The following DDX5 variants were observed in gnomAD, a reference collection of about 807,000 sequenced individuals.
DDX5 encodes probable ATP-dependent RNA helicase DDX5.
DDX5 carries 6 observed loss-of-function variants against 68.6 expected under a neutral mutation model. The ratio of observed to expected loss-of-function variants is 0.09; its 90% confidence interval spans 0.05 to 0.17. DDX5 has a LOEUF of 0.17. Ranked by LOEUF, DDX5 falls within the 10% of genes least tolerant of loss-of-function variation. DDX5 has a pLI of 1.00. For synonymous variants in DDX5, 350 were observed against 247.0 expected (o/e 1.42, Z -3.91); for missense variants, 499 against 756.1 (o/e 0.66, Z 3.99).
intron 1 of DDX5, 66 bp downstream of exon 1, chr17:64,506,010 C>T (rs948068500): frequency 1.3e-5 from 20 of 1,542,724 alleles, no homozygotes; most frequent in Non-Finnish European, 1.7e-5. Flanking sequence ...CCCCGCCGGC[C>T]GCCACCCTGA....
chr17:64,500,937 G>T, intron 11 of DDX5, 164 bp from the exon 12 acceptor site: 1 of 609,574 alleles, frequency 1.6e-6, no homozygotes, highest in Non-Finnish European at 2.9e-6. Context: ...TACCATTGAG[G>T]TTGAAAAAAG....
chr17:64,499,787 A>G lies in DDX5; in HGVS notation c.*136T>C. ...GAGAAATATCCAACTTAAATAGCGA[A>G]AAAGTGCACCATAATTACTGCTGCA... On this transcript the variant is annotated 3_prime_UTR_variant, in exon 13 of 13. Transcript: ENST00000225792. 1.2e-6 allele frequency: 1 copy of G among 810,738 alleles called. No individual in the cohort carries two copies. The highest frequency in any genetic ancestry group is 1.8e-6 in the Non-Finnish European group (1 of 563,358). The allele number at this position is 810,738 out of a possible 1,614,324, so 50.2% of individuals were successfully genotyped here. A position where few individuals can be genotyped will look rare whatever the true frequency, so the allele number is the denominator to read the frequency against.
intron 2 of DDX5, 63 bp from the exon 3 acceptor site, chr17:64,504,381 T>A: frequency 7.2e-7 from 1 of 1,382,426 alleles, no homozygotes; most frequent in South Asian, 1.2e-5. Flanking sequence ...AATACGTAAT[T>A]GATAAGCCCC....
chr17:64,504,500 TTAAG>T, intron 2 of DDX5, 173 bp downstream of exon 2: 1 of 951,146 alleles, frequency 1.1e-6, no homozygotes, highest in Non-Finnish European at 1.5e-6. Context: ...TCAACCTAAT[TTAAG>T]TAAAAATCCC....
In DDX5 at chr17:64,504,232, G is replaced by C; in HGVS notation, c.297C>G (p.Ala99=). 1 of 1,614,022 alleles carries C rather than the reference G, an allele frequency of 6.2e-7. No homozygotes were observed. The change falls in exon 3 of 13, where the codon GCC becomes GCG. Residue 99 remains alanine, a synonymous_variant. Transcript: ENST00000225792. ...AAAAGTAGCACTTACCAGGGAAATTGGCTTCATAAAAATTTAGAACTGGCT... is the reference window on the plus strand; with the variant it reads ...AAAAGTAGCACTTACCAGGGAAATTCGCTTCATAAAAATTTAGAACTGGCT... ...CPKPVLNFYE[A]NFPANVMDVI...
intron 5 of DDX5, 86 bp from the exon 6 acceptor site, chr17:64,503,657 T>C (rs1310046995): frequency 6.4e-6 from 10 of 1,572,850 alleles, no homozygotes; most frequent in East Asian, 2.2e-5. Context: ...CCTTTCTTCA[T>C]GTGTTGTCCA....
chr17:64,505,870 A>T (rs1365354839), intron 1 of DDX5: 4 of 1,535,886 alleles, frequency 2.6e-6, no homozygotes, highest in Admixed American at 2.0e-5. Flanking sequence ...CCCCACACAA[A>T]AAGCAAGCTT....
chr17:64,502,286 A>T, intron 9 of DDX5, 63 bp from the exon 10 acceptor site: 1 of 1,573,334 alleles, frequency 6.4e-7, no homozygotes, highest in Non-Finnish European at 8.7e-7. Context: ...CCAGTGCTTG[A>T]CCACTTTTGG....
At position 64,500,292 on chromosome 17, in the gene DDX5, G is replaced by A. The variant is rs782678991; in HGVS notation, c.1476C>T (p.Asp492=). 1.4e-5 allele frequency: 23 copies of A among 1,612,824 alleles called. No homozygotes were observed. In the Admixed American group the frequency reaches 3.5e-4, roughly 25 times the overall value. Reference sequence around the variant, plus strand: ...TGCCCGCAGAGTATCTGTCCCGACGGTCATCCTTCATGCCTCCTCTACCCC... The same window carrying A: ...TGCCCGCAGAGTATCTGTCCCGACGATCATCCTTCATGCCTCCTCTACCCC... ...RSRGRGGMKD[D]RRDRYSAGKR... is the part of the protein sequence containing the mutation. Residue 492 remains aspartate (D), a synonymous_variant, in exon 13 of 13, where the codon GAC becomes GAT. Coordinates refer to ENST00000225792, the MANE Select transcript of DDX5 (RefSeq NM_004396.5).
rs1555670628 is a variant in DDX5, at chr17:64,499,753, A to G, written c.*170T>C. ...ACAAAAAAAACCTAAAAATTGTTTC[A>G]GGAATGTAGAGAAATATCCAACTTA... is the stretch of plus-strand genomic sequence containing the variant. On this transcript the variant is annotated 3_prime_UTR_variant, in exon 13 of 13. Transcript: ENST00000225792. The G allele has an allele frequency of 3.6e-6, 2 of 554,260 alleles. No homozygotes were observed. The highest frequency in any genetic ancestry group is 7.5e-5 in the Admixed American group (2 of 26,774). 34.3% of individuals were successfully genotyped at this position (554,260 alleles called of 1,614,324 possible). A position where few individuals can be genotyped will look rare whatever the true frequency, so the allele number is the denominator to read the frequency against.
intron 2 of DDX5, 142 bp from the exon 3 acceptor site, chr17:64,504,460 T>A: frequency 1.1e-6 from 1 of 913,432 alleles, no homozygotes; most frequent in Non-Finnish European, 1.6e-6. Flanking sequence ...ATGAACACCC[T>A]ATTATGAAAA....
At position 64,500,185 on chromosome 17, in the gene DDX5, G is replaced by A; in HGVS notation, c.1583C>T (p.Ala528Val). ...ACTGTAAACACCATTCTGAGTTTTT[G>A]CCCCAAAATCTCTTTTAAGCAGGCT... ...YSSLLKRDFG[A>V]KTQNGVYSAA... The change falls in exon 13 of 13, where the codon GCA becomes GTA. Residue 528 changes from alanine (A) to valine (V), a missense_variant. Physicochemically the swap from Ala to Val is moderately conservative, Grantham distance 64. This residue lies in a region of DDX5 where 171 missense variants were observed against 174.8 expected (regional missense o/e 0.98). Coordinates refer to ENST00000225792, the MANE Select transcript of DDX5 (RefSeq NM_004396.5). 6.2e-7 allele frequency: 1 copy of A among 1,614,108 alleles called. No homozygotes were observed.
chr17:64,506,019 G>GGGGCCCCCCCCCCAC, intron 1 of DDX5, 57 bp downstream of exon 1: 1 of 1,360,446 alleles, frequency 7.4e-7, no homozygotes, highest in Non-Finnish European at 1.0e-6. Flanking sequence ...CCGCCACCCT[G>GGGGCCCCCCCCCCAC]ACCCGCCCTC....
rs563249220 is a variant in DDX5, at chr17:64,498,767, G to T, written c.*1156C>A. ...ACTTCTAGCTATTACTGAAATAAAT[G>T]ATTAGAAAGTTACGTTGGTGAGCCG... On this transcript the variant is annotated 3_prime_UTR_variant, in exon 13 of 13. Transcript: ENST00000225792. Among the ~76,000 whole-genome samples, 3 of 152,174 alleles carry T rather than the reference G, an allele frequency of 2.0e-5. No individual in the cohort carries two copies. The highest frequency in any genetic ancestry group is 1.5e-5 in the Non-Finnish European group (1 of 68,030).
In DDX5 at chr17:64,499,691, ATTTACT is replaced by A. The variant is rs576582881; in HGVS notation, c.*226_*231del. 82 of 440,372 alleles carry A rather than the reference ATTTACT, an allele frequency of 1.9e-4. 2 individuals are homozygous for A. In the South Asian group the frequency reaches 4.6e-3, roughly 25 times the overall value. The allele number at this position is 440,372 out of a possible 1,614,324, so 27.3% of individuals were successfully genotyped here. A position where few individuals can be genotyped will look rare whatever the true frequency, so the allele number is the denominator to read the frequency against. ...TTTATTGTATTTCAAATCACTGTAC[ATTTACT>A]TTTGTGAAAACACTGCCTGCATTTT... is the stretch of plus-strand genomic sequence containing the variant. On this transcript the variant is annotated 3_prime_UTR_variant, in exon 13 of 13. Transcript: ENST00000225792.
rs1337889877 is a variant in DDX5 at position 64,498,325 on chromosome 17, CTG to C, written c.*1596_*1597del. Among the ~76,000 whole-genome samples the C allele has an allele frequency of 6.6e-6, 1 of 152,040 alleles. No homozygotes were observed. The highest frequency in any genetic ancestry group is 2.4e-5 in the African/African-American group (1 of 41,358). On this transcript the variant is annotated 3_prime_UTR_variant, in exon 13 of 13. Transcript: ENST00000225792. Reference sequence around the variant, plus strand: ...CACAACACACATGCTAAAAAGTGGACTGTCTTTTAAAACTTCCAAGGTAAATA... The same window carrying C: ...CACAACACACATGCTAAAAAGTGGACTCTTTTAAAACTTCCAAGGTAAATA...
rs781875818 is a variant in DDX5 at position 64,500,257 on chromosome 17, C to A, written c.1511G>T (p.Gly504Val). 2 of 1,614,016 alleles carry A rather than the reference C, an allele frequency of 1.2e-6. No individual in the cohort carries two copies. The highest frequency in any genetic ancestry group is 8.5e-7 in the Non-Finnish European group (1 of 1,180,024). ...TTCCCTGTCTCTAAAGGTATTAAATCCACCCCTTTTGCCCGCAGAGTATCT... is the reference window on the plus strand; with the variant it reads ...TTCCCTGTCTCTAAAGGTATTAAATACACCCCTTTTGCCCGCAGAGTATCT... ...RDRYSAGKRGGFNTFRDRENY... is the reference protein window; with the variant it reads ...RDRYSAGKRGVFNTFRDRENY... The change falls in exon 13 of 13, where the codon GGA (glycine) becomes GTA (valine). Residue 504 changes from glycine (G) to valine (V), a missense_variant. Around this residue, in one of 5 missense-constraint regions of DDX5, gnomAD observed 171 missense variants for 174.8 expected, o/e 0.98. Transcript: ENST00000225792.
At chr17:64,502,843 TA>T in intron 8 of DDX5, 82 bp downstream of exon 8, 1 of 1,380,176 alleles carries the variant, frequency 7.2e-7, no homozygotes. Flanking sequence ...TGAAATAACC[TA>T]AAACAACTCA....
chr17:64,500,467 T>C (rs2144249287), intron 12 of DDX5, 82 bp downstream of exon 12: 1 of 1,518,364 alleles, frequency 6.6e-7, no homozygotes, highest in East Asian at 2.3e-5. Flanking sequence ...AAGGTTTTAC[T>C]CACCCTCCAA....
Sources: allele counts gnomAD v4.1 joint callset (sites outside exome capture counted in the v4.1 genomes callset), GRCh38; gene constraint gnomAD v4.1.1; regional missense constraint gnomAD v4.1.1; transcripts MANE v1.5; gene names NCBI Gene and HGNC (gene_info 2026-07-23, HGNC 2026-07-21).